Variants in SOX4 observed in about 807,000 individuals in gnomAD.
The protein encoded by SOX4 is transcription factor SOX-4.
For missense variants in SOX4, 662 were observed against 694.9 expected, an observed-to-expected ratio of 0.95 and a Z score of 0.53; for synonymous variants, 465 against 348.4, an observed-to-expected ratio of 1.33 and a Z score of -3.73.
In SOX4 at chr6:21,596,394, A is replaced by G. The variant is rs1763160034; in HGVS notation, c.*435A>G. On this transcript the variant is annotated 3_prime_UTR_variant, in exon 1 of 1. Coordinates refer to ENST00000244745, the MANE Select transcript of SOX4 (RefSeq NM_003107.3). ...GGCGAGTTAGTTTTCTAGAGACTTG[A>G]AGGAGTCTCCCCCTTCCTGCATCAC... The G allele has an allele frequency of 5.9e-6, 1 of 169,070 alleles. No individual in the cohort carries two copies. The allele number at this position is 169,070 out of a possible 1,614,324, so 10.5% of individuals were successfully genotyped here. A position where few individuals can be genotyped will look rare whatever the true frequency, so the allele number is the denominator to read the frequency against.
rs760659319 is a variant in SOX4, at chr6:21,594,306, G to C, written c.-229G>C. The C allele has an allele frequency of 9.2e-6, 4 of 433,556 alleles. No individual in the cohort carries two copies. Among genetic ancestry groups the C allele is most frequent in the Non-Finnish European group, 1.6e-5 (4 of 258,046 alleles). 26.9% of individuals were successfully genotyped at this position (433,556 alleles called of 1,614,324 possible). ...GGGAGAGAGAGACTCTCCAGCCTGGGAACTATAACTCCTCTGCGAGAGGCG... is the reference window on the plus strand; with the variant it reads ...GGGAGAGAGAGACTCTCCAGCCTGGCAACTATAACTCCTCTGCGAGAGGCG... On this transcript the variant is annotated 5_prime_UTR_variant, in exon 1 of 1. Coordinates refer to ENST00000244745, the MANE Select transcript of SOX4 (RefSeq NM_003107.3).
Position 21,597,503 on chromosome 6 carries a change from C to CTTTTTTTCTTT in SOX4, c.*1563_*1573dup. 7.5e-6 allele frequency: 1 copy of CTTTTTTTCTTT among 133,162 alleles called. No individual in the cohort carries two copies. Among genetic ancestry groups the CTTTTTTTCTTT allele is most frequent in the South Asian group, 2.7e-4 (1 of 3,652 alleles). 8.2% of individuals were successfully genotyped at this position (133,162 alleles called of 1,614,324 possible). On this transcript the variant is annotated 3_prime_UTR_variant, in exon 1 of 1. Coordinates refer to ENST00000244745, the MANE Select transcript of SOX4 (RefSeq NM_003107.3). ...TTTATTTCTTTATTCCTTCCTTTTC[C>CTTTTTTTCTTT]TTTTTTTCTTTTTTTTTTCTTTTTT...
rs1472021870 is a variant in SOX4 at position 21,594,446 on chromosome 6, C to CT, written c.-87dup. 7.5e-7 allele frequency: 1 copy of CT among 1,337,378 alleles called. No homozygotes were observed. The highest frequency in any genetic ancestry group is 4.1e-5 in the Admixed American group (1 of 24,224). The allele number at this position is 1,337,378 out of a possible 1,614,324, so 82.8% of individuals were successfully genotyped here. A position where few individuals can be genotyped will look rare whatever the true frequency, so the allele number is the denominator to read the frequency against. ...CGCGCGTCTTCCCGTTCGGCGTGTG[C>CT]TTGGCCCGGGGAACCGGGAGGGCCC... On this transcript the variant is annotated 5_prime_UTR_variant, in exon 1 of 1. Coordinates refer to ENST00000244745, the MANE Select transcript of SOX4 (RefSeq NM_003107.3).
chr6:21,598,472 C>T lies in SOX4; in HGVS notation c.*2513C>T, dbSNP rs954555766. On this transcript the variant is annotated 3_prime_UTR_variant, in exon 1 of 1. Coordinates refer to ENST00000244745, the MANE Select transcript of SOX4 (RefSeq NM_003107.3). ...AGAATATTTGTCTTAAAATTCAAGG[C>T]CACAAAAACAATGTTTGGGGGAAAA... The T allele has an allele frequency of 1.2e-5, 2 of 166,838 alleles. No individual in the cohort carries two copies. The highest frequency in any genetic ancestry group is 4.8e-5 in the African/African-American group (2 of 41,402). 10.3% of individuals were successfully genotyped at this position (166,838 alleles called of 1,614,324 possible).
Position 21,595,040 on chromosome 6 carries a change from G to T in SOX4, c.506G>T (p.Gly169Val). 1 of 1,442,926 alleles carries T rather than the reference G, an allele frequency of 6.9e-7. No individual in the cohort carries two copies. The highest frequency in any genetic ancestry group is 2.7e-5 in the East Asian group (1 of 37,402). The allele number at this position is 1,442,926 out of a possible 1,614,324, so 89.4% of individuals were successfully genotyped here. A position where few individuals can be genotyped will look rare whatever the true frequency, so the allele number is the denominator to read the frequency against. Residue 169 changes from glycine (G) to valine (V), a missense_variant, in exon 1 of 1, where the codon GGC becomes GTC. Physicochemically the swap from Gly to Val is moderately radical, Grantham distance 109. Transcript: ENST00000244745. ...AGTGGCGGGGGCGGCCATGGGGGCGGCGGCGGCGGCGGGAGCAGCAACGCG... is the reference window on the plus strand; with the variant it reads ...AGTGGCGGGGGCGGCCATGGGGGCGTCGGCGGCGGCGGGAGCAGCAACGCG... ...GGSGGGGHGG[G>V]GGGGSSNAGG...
rs748157849 is a variant in SOX4 at position 21,595,491 on chromosome 6, C to G, written c.957C>G (p.Ser319Arg). ...GCGTGGGCGCGGGAGCCGACCCCAG[C>G]GACCCCCTGGGCCTGTACGAGGAGG... ...VGGVGAGADP[S>R]DPLGLYEEEG... The change falls in exon 1 of 1, where the codon AGC becomes AGG. Residue 319 changes from serine (S) to arginine (R), a missense_variant. Physicochemically the swap from Ser to Arg is moderately radical, Grantham distance 110. Transcript: ENST00000244745. 4.9e-6 allele frequency: 7 copies of G among 1,418,602 alleles called. No individual in the cohort carries two copies. The highest frequency in any genetic ancestry group is 6.4e-6 in the Non-Finnish European group (7 of 1,088,486). The allele number at this position is 1,418,602 out of a possible 1,614,324, so 87.9% of individuals were successfully genotyped here.
rs1763125383 is a variant in SOX4 at position 21,595,582 on chromosome 6, G to C, written c.1048G>C (p.Ala350Pro). The change falls in exon 1 of 1, where the codon GCC becomes CCC. Residue 350 changes from alanine (A) to proline (P), a missense_variant. By Grantham distance (27) the Ala-to-Pro change is conservative. Transcript: ENST00000244745. ...SGRSSAASSP[A>P]AGRSPADHRG... ...CCGCAGCAGCGCCGCCTCGTCCCCC[G>C]CCGCCGGCCGCTCGCCCGCCGACCA... 2 of 1,198,602 alleles carry C rather than the reference G, an allele frequency of 1.7e-6. No homozygotes were observed. The highest frequency in any genetic ancestry group is 7.1e-5 in the East Asian group (2 of 28,034). The allele number at this position is 1,198,602 out of a possible 1,614,324, so 74.2% of individuals were successfully genotyped here.
In SOX4 at chr6:21,594,193, C is replaced by G. The variant is rs1183000533; in HGVS notation, c.-342C>G. The G allele has an allele frequency of 4.2e-6, 1 of 239,912 alleles. No individual in the cohort carries two copies. Among genetic ancestry groups the G allele is most frequent in the East Asian group, 8.1e-5 (1 of 12,378 alleles). 14.9% of individuals were successfully genotyped at this position (239,912 alleles called of 1,614,324 possible). A position where few individuals can be genotyped will look rare whatever the true frequency, so the allele number is the denominator to read the frequency against. On this transcript the variant is annotated 5_prime_UTR_variant, in exon 1 of 1. Transcript: ENST00000244745. ...TTGCATTGGAAGCTTCAGCAACCAGCATTCGAGAAACTCCTCTCTACTTTA... is the reference window on the plus strand; with the variant it reads ...TTGCATTGGAAGCTTCAGCAACCAGGATTCGAGAAACTCCTCTCTACTTTA...
Position 21,595,988 on chromosome 6 carries a change from G to A in SOX4, c.*29G>A. 1 of 1,491,066 alleles carries A rather than the reference G, an allele frequency of 6.7e-7. No homozygotes were observed. Among genetic ancestry groups the A allele is most frequent in the Non-Finnish European group, 8.9e-7 (1 of 1,117,744 alleles). 92.4% of individuals were successfully genotyped at this position (1,491,066 alleles called of 1,614,324 possible). The stretch of plus-strand genomic sequence containing the variant: ...GCGCGCAGGCAGGGAGAAGGGCCGG[G>A]GGGGGTAGGAGAGGAGAAAAAAAAA... On this transcript the variant is annotated 3_prime_UTR_variant, in exon 1 of 1. Transcript: ENST00000244745.
chr6:21,594,198 G>T lies in SOX4; in HGVS notation c.-337G>T. On this transcript the variant is annotated 5_prime_UTR_variant, in exon 1 of 1. Transcript: ENST00000244745. ...TTGGAAGCTTCAGCAACCAGCATTC[G>T]AGAAACTCCTCTCTACTTTAGCACG... 1 of 236,372 alleles carries T rather than the reference G, an allele frequency of 4.2e-6. No individual in the cohort carries two copies. Among genetic ancestry groups the T allele is most frequent in the Non-Finnish European group, 8.1e-6 (1 of 123,132 alleles). 14.6% of individuals were successfully genotyped at this position (236,372 alleles called of 1,614,324 possible). A position where few individuals can be genotyped will look rare whatever the true frequency, so the allele number is the denominator to read the frequency against.
In SOX4 at chr6:21,594,142, G is replaced by T; in HGVS notation, c.-393G>T. ...GGGAAAAAGAAAAAAAAAAAAAAAAGACTTGCCTGGGAGGCCGCGAGAAAC... is the reference window on the plus strand; with the variant it reads ...GGGAAAAAGAAAAAAAAAAAAAAAATACTTGCCTGGGAGGCCGCGAGAAAC... On this transcript the variant is annotated 5_prime_UTR_variant, in exon 1 of 1. Coordinates refer to ENST00000244745, the MANE Select transcript of SOX4 (RefSeq NM_003107.3). 1.8e-5 allele frequency: 3 copies of T among 162,604 alleles called. No individual in the cohort carries two copies. Among genetic ancestry groups the T allele is most frequent in the Non-Finnish European group, 2.6e-5 (2 of 77,496 alleles). The allele number at this position is 162,604 out of a possible 1,614,324, so 10.1% of individuals were successfully genotyped here.
At position 21,595,509 on chromosome 6, in the gene SOX4, C is replaced by T. The variant is rs1305965061; in HGVS notation, c.975C>T (p.Tyr325=). 41 of 1,293,278 alleles carry T rather than the reference C, an allele frequency of 3.2e-5. No individual in the cohort carries two copies. The highest frequency in any genetic ancestry group is 4.0e-5 in the Non-Finnish European group (41 of 1,019,418). The allele number at this position is 1,293,278 out of a possible 1,614,324, so 80.1% of individuals were successfully genotyped here. The change falls in exon 1 of 1, where the codon TAC becomes TAT. Residue 325 remains tyrosine (Y), a synonymous_variant. Coordinates refer to ENST00000244745, the MANE Select transcript of SOX4 (RefSeq NM_003107.3). ...GADPSDPLGL[Y]EEEGAGCSPD... ...ACCCCAGCGACCCCCTGGGCCTGTACGAGGAGGAGGGCGCGGGCTGCTCGC... is the reference window on the plus strand; with the variant it reads ...ACCCCAGCGACCCCCTGGGCCTGTATGAGGAGGAGGGCGCGGGCTGCTCGC...
In SOX4 at chr6:21,595,667, C is replaced by G. The variant is rs1404381929; in HGVS notation, c.1133C>G (p.Ala378Gly). 1.3e-6 allele frequency: 2 copies of G among 1,544,052 alleles called. No homozygotes were observed. Among genetic ancestry groups the G allele is most frequent in the Non-Finnish European group, 1.7e-6 (2 of 1,145,820 alleles). The change falls in exon 1 of 1, where the codon GCG becomes GGG. Residue 378 changes from alanine (A) to glycine (G), a missense_variant. Transcript: ENST00000244745. ...SPAPSSAPSH[A>G]SSSASSHSSS... ...GCCCCGTCCAGCGCGCCCTCGCACG[C>G]GTCCTCCTCGGCCTCGTCCCACTCC...
In SOX4 at chr6:21,596,981, G is replaced by GA. The variant is rs1236665811; in HGVS notation, c.*1031dup. 4.5e-5 allele frequency: 7 copies of GA among 155,898 alleles called. No homozygotes were observed. The highest frequency in any genetic ancestry group is 2.3e-4 in the South Asian group (1 of 4,404). The allele number at this position is 155,898 out of a possible 1,614,324, so 9.7% of individuals were successfully genotyped here. On this transcript the variant is annotated 3_prime_UTR_variant, in exon 1 of 1. Coordinates refer to ENST00000244745, the MANE Select transcript of SOX4 (RefSeq NM_003107.3). The stretch of plus-strand genomic sequence containing the variant: ...TTTCGGAAAAAAAAAAAGAAAAAAA[G>GA]AAAAAAAAAGAAAAAAAAAAGATTT...
rs753643945 is a variant in SOX4, at chr6:21,594,976, T to G, written c.442T>G (p.Ser148Ala). Residue 148 changes from serine to alanine, a missense_variant, in exon 1 of 1, where the codon TCC (serine) becomes GCC (alanine). Ser to Ala is a moderately conservative substitution (Grantham distance 99). Transcript: ENST00000244745. ...NANSSSSAAA[S>A]SKPGEKGDKV... is the part of the protein sequence containing the mutation. ...CAACTCCAGCTCCTCGGCCGCCGCC[T>G]CCTCCAAGCCGGGGGAGAAGGGAGA... 10 of 1,596,316 alleles carry G rather than the reference T, an allele frequency of 6.3e-6. No individual in the cohort carries two copies. The highest frequency in any genetic ancestry group is 4.6e-5 in the East Asian group (2 of 43,916).
In SOX4 at chr6:21,595,778, A is replaced by G. The variant is rs772505606; in HGVS notation, c.1244A>G (p.Glu415Gly). 2 of 1,613,532 alleles carry G rather than the reference A, an allele frequency of 1.2e-6. No homozygotes were observed. The highest frequency in any genetic ancestry group is 1.1e-5 in the South Asian group (1 of 91,056). ...GACCTGAACCCCAGCTCAAACTTTG[A>G]GAGCATGTCCCTGGGCAGCTTCAGT... Reference protein sequence around the residue: ...LLDLNPSSNFESMSLGSFSSS... With the variant: ...LLDLNPSSNFGSMSLGSFSSS... The change falls in exon 1 of 1, where the codon GAG (glutamate) becomes GGG (glycine). Residue 415 changes from glutamate (E) to glycine (G), a missense_variant. By Grantham distance (98) the Glu-to-Gly change is moderately conservative. Coordinates refer to ENST00000244745, the MANE Select transcript of SOX4 (RefSeq NM_003107.3).
chr6:21,594,572 C>T lies in SOX4; in HGVS notation c.38C>T (p.Ala13Val), dbSNP rs546231479. The change falls in exon 1 of 1, where the codon GCG becomes GTG. Residue 13 changes from alanine to valine, a missense_variant. By Grantham distance (64) the Ala-to-Val change is moderately conservative. Coordinates refer to ENST00000244745, the MANE Select transcript of SOX4 (RefSeq NM_003107.3). Reference protein sequence around the residue: ...QQTNNAENTEALLAGESSDSG... With the variant: ...QQTNNAENTEVLLAGESSDSG... ...ACCAACAATGCCGAGAACACGGAAGCGCTGCTGGCCGGCGAGAGCTCGGAC... is the reference window on the plus strand; with the variant it reads ...ACCAACAATGCCGAGAACACGGAAGTGCTGCTGGCCGGCGAGAGCTCGGAC... 5 of 1,607,958 alleles carry T rather than the reference C, an allele frequency of 3.1e-6. No individual in the cohort carries two copies. The South Asian group carries it at 5.5e-5, about 18-fold the overall frequency.
chr6:21,598,283 C>T lies in SOX4; in HGVS notation c.*2324C>T, dbSNP rs189589692. 2 of 167,136 alleles carry T rather than the reference C, an allele frequency of 1.2e-5. No individual in the cohort carries two copies. Among genetic ancestry groups the T allele is most frequent in the East Asian group, 1.9e-4 (1 of 5,190 alleles). 10.4% of individuals were successfully genotyped at this position (167,136 alleles called of 1,614,324 possible). ...AAAAATTGAAAAAAGTGGAAAACAT[C>T]TTTGTACATTTAAGTCTGTATTATA... On this transcript the variant is annotated 3_prime_UTR_variant, in exon 1 of 1. Coordinates refer to ENST00000244745, the MANE Select transcript of SOX4 (RefSeq NM_003107.3).
chr6:21,594,967 G>A lies in SOX4; in HGVS notation c.433G>A (p.Ala145Thr), dbSNP rs1411838758. 1.2e-6 allele frequency: 2 copies of A among 1,601,382 alleles called. No individual in the cohort carries two copies. Among genetic ancestry groups the A allele is most frequent in the Admixed American group, 1.7e-5 (1 of 58,832 alleles). The change falls in exon 1 of 1, where the codon GCC (alanine) becomes ACC (threonine). Residue 145 changes from alanine to threonine, a missense_variant. Coordinates refer to ENST00000244745, the MANE Select transcript of SOX4 (RefSeq NM_003107.3). ...CGGCAACGCCAACTCCAGCTCCTCG[G>A]CCGCCGCCTCCTCCAAGCCGGGGGA... Reference protein sequence around the residue: ...KSGNANSSSSAAASSKPGEKG... With the variant: ...KSGNANSSSSTAASSKPGEKG...
Sources: gnomAD v4.1 joint callset for allele counts on GRCh38, gnomAD v4.1.1 for gene constraint, MANE v1.5 for transcripts, NCBI Gene and HGNC (gene_info 2026-07-23, HGNC 2026-07-21) for gene names.